Variants in TRIM49 observed in about 807,000 individuals in gnomAD.
The protein encoded by TRIM49 is tripartite motif containing 49.
A neutral mutation model predicts 27.4 loss-of-function variants in TRIM49; 5 were observed. The observed-to-expected ratio is 0.18, with a 90% CI of 0.10 to 0.38. TRIM49 has a LOEUF of 0.38. Among genes scored for constraint, TRIM49 ranks in the 10% least tolerant of loss-of-function variants. The probability of loss-of-function intolerance (pLI) is 1.00; values close to 1 mark genes in which losing one functional copy is unlikely to be tolerated. For synonymous variants in TRIM49, 69 were observed against 166.0 expected (o/e 0.42, Z 4.49); for missense variants, 188 against 487.5 (o/e 0.39, Z 5.79).
At chr11:89,793,116 C>A (rs1441415411), downstream of TRIM49, among the ~76,000 whole-genome samples, 4 of 152,176 alleles carry the variant, frequency 2.6e-5, 1 homozygote, top group Admixed American at 1.3e-4. Context: ...ACTATAAACA[C>A]CTCTATGCAA....
At chr11:89,776,931 A>G in the TRIM49 span, 5 of 1,519,570 alleles carry the variant, frequency 3.3e-6, no homozygotes, top group Non-Finnish European at 4.4e-6. Flanking sequence ...CGGGGCAAAT[A>G]AAAATAAGAG....
chr11:89,772,100 T>C, the TRIM49 span, among the ~76,000 whole-genome samples: 1 of 133,864 alleles, frequency 7.5e-6, no homozygotes, highest in Non-Finnish European at 1.5e-5. Flanking sequence ...TTACTCAACA[T>C]GAAAATGATG....
At chr11:89,767,781 G>C in the TRIM49 span, among the ~76,000 whole-genome samples, 2 of 134,662 alleles carry the variant, frequency 1.5e-5, no homozygotes, top group Non-Finnish European at 3.0e-5. Context: ...AATTATAAAT[G>C]CTATGAAACT....
At chr11:89,806,103 A>G (rs1188171440) in intron 2 of TRIM49, among the ~76,000 whole-genome samples, 60 of 149,664 alleles carry the variant, frequency 4.0e-4, no homozygotes, top group Admixed American at 9.2e-4. Flanking sequence ...TATACACTAT[A>G]GCCTATTGTT....
the TRIM49 span, among the ~76,000 whole-genome samples, chr11:89,774,001 C>CT: frequency 1.1e-3 from 142 of 127,530 alleles, 15 homozygotes; most frequent in Middle Eastern, 7.6e-3. Context: ...TAAAATATTT[C>CT]TTTTTTTTTT....
At chr11:89,789,905 G>C in the TRIM49 span, among the ~76,000 whole-genome samples, 1 of 151,432 alleles carries the variant, frequency 6.6e-6, no homozygotes, top group Non-Finnish European at 1.5e-5. Flanking sequence ...GTCAGACAGT[G>C]GGTGCAGGAC....
downstream of TRIM49, among the ~76,000 whole-genome samples, chr11:89,796,198 G>A (rs199881310): frequency 1.7e-4 from 26 of 152,076 alleles, 2 homozygotes; most frequent in East Asian, 1.2e-3. Context: ...TATAATTAGC[G>A]CATTTATAAT....
At chr11:89,802,317 CATT>C (rs1001353369) in intron 4 of TRIM49, among the ~76,000 whole-genome samples, 4 of 150,718 alleles carry the variant, frequency 2.7e-5, no homozygotes, top group Non-Finnish European at 5.9e-5. Context: ...TGCTTAAACT[CATT>C]ATATGAAAAT....
At chr11:89,787,898 AC>A in the TRIM49 span, 248 of 404,710 alleles carry the variant, frequency 6.1e-4, 26 homozygotes, top group African/African-American at 5.8e-3. Flanking sequence ...GGGGCTGGGC[AC>A]CGTGGCAGCT....
chr11:89,773,245 T>C, the TRIM49 span, among the ~76,000 whole-genome samples: 1 of 130,718 alleles, frequency 7.7e-6, no homozygotes, highest in Non-Finnish European at 1.6e-5. Context: ...TATATAATTT[T>C]TAAAATATGA....
At chr11:89,769,195 G>A in the TRIM49 span, among the ~76,000 whole-genome samples, 1 of 128,564 alleles carries the variant, frequency 7.8e-6, no homozygotes, top group South Asian at 2.5e-4. Flanking sequence ...AACAAACAAA[G>A]AATCAAAGAA....
intron 2 of TRIM49, among the ~76,000 whole-genome samples, chr11:89,806,887 A>G (rs375747321): frequency 0.028 from 4,153 of 146,684 alleles, no homozygotes; most frequent in Non-Finnish European, 0.044. Flanking sequence ...CAAACACTAG[A>G]TATTTTAAGT....
At chr11:89,800,622 A>G (rs1367167651) in intron 6 of TRIM49, among the ~76,000 whole-genome samples, 2 of 150,186 alleles carry the variant, frequency 1.3e-5, no homozygotes, top group Non-Finnish European at 3.0e-5. Context: ...GGGCGCCTGT[A>G]GTCCCGGGTA....
downstream of TRIM49, among the ~76,000 whole-genome samples, chr11:89,794,184 C>A (rs562337478): frequency 1.7e-5 from 2 of 120,574 alleles, no homozygotes; most frequent in Non-Finnish European, 1.8e-5. Context: ...CTTAAAGAGA[C>A]GTGAAGGACC....
the TRIM49 span, among the ~76,000 whole-genome samples, chr11:89,791,306 T>C: frequency 6.6e-6 from 1 of 152,178 alleles, no homozygotes; most frequent in East Asian, 1.9e-4. Context: ...GGATACGAGT[T>C]GGAAAACACT....
chr11:89,792,904 C>A (rs372960528), downstream of TRIM49, among the ~76,000 whole-genome samples: 2 of 152,090 alleles, frequency 1.3e-5, no homozygotes, highest in Non-Finnish European at 2.9e-5. Flanking sequence ...CAGAGCAGAA[C>A]TGAAGGAGAT....
At chr11:89,774,231 ACCTCGTGATCCAC>A in the TRIM49 span, among the ~76,000 whole-genome samples, 2 of 150,796 alleles carry the variant, frequency 1.3e-5, no homozygotes, top group Non-Finnish European at 2.9e-5. Flanking sequence ...TGAACTCCTG[ACCTCGTGATCCAC>A]CCTCGTGGGC....
the TRIM49 span, among the ~76,000 whole-genome samples, chr11:89,769,375 T>C: frequency 3.7e-5 from 5 of 136,380 alleles, 2 homozygotes; most frequent in African/African-American, 1.7e-4. Flanking sequence ...CAGGGCTTCA[T>C]CTGAATGCAT....
At chr11:89,800,097 T>A (rs1351487626) in intron 6 of TRIM49, among the ~76,000 whole-genome samples, 1 of 150,848 alleles carries the variant, frequency 6.6e-6, no homozygotes, top group East Asian at 1.9e-4. Context: ...GAAACGAAAT[T>A]CTGAGTTCCA....
Sources: gnomAD v4.1 joint callset for allele counts (sites outside exome capture counted in the v4.1 genomes callset) on GRCh38, gnomAD v4.1.1 for gene constraint, MANE v1.5 for transcripts, NCBI Gene and HGNC (gene_info 2026-07-23, HGNC 2026-07-21) for gene names.